ARHGAP28: variants seen among roughly 807,000 people sequenced by gnomAD.
The protein encoded by ARHGAP28 is rho GTPase-activating protein 28.
In ARHGAP28, 56 loss-of-function variants were observed where a neutral mutation model predicts 90.7. The ratio of observed to expected loss-of-function variants is 0.62; its 90% CI spans 0.50 to 0.77. The LOEUF (loss-of-function observed/expected upper bound fraction) is 0.77. Among genes scored for constraint, ARHGAP28 ranks in the 30% least tolerant of loss-of-function variants. The pLI, the probability that ARHGAP28 is intolerant of heterozygous loss-of-function variation, is 0.00. For synonymous variants in ARHGAP28, 308 were observed against 323.3 expected, an observed-to-expected ratio of 0.95 and a Z score of 0.51; for missense variants, 869 against 900.9, an observed-to-expected ratio of 0.96 and a Z score of 0.45.
intron 14 of ARHGAP28, among the ~76,000 whole-genome samples, chr18:6,891,316 A>ATTT (rs1167823570): frequency 8.5e-4 from 123 of 144,302 alleles, no homozygotes; most frequent in African/African-American, 3.0e-3. Flanking sequence ...TTGGAGCTAC[A>ATTT]TTTTTTTTTT....
At chr18:6,838,948 G>A (rs1468165671) in intron 3 of ARHGAP28, among the ~76,000 whole-genome samples, 1 of 152,138 alleles carries the variant, frequency 6.6e-6, no homozygotes, top group Non-Finnish European at 1.5e-5. Flanking sequence ...CTTTGGGCCT[G>A]ACATTTTTGT....
intron 1 of ARHGAP28, among the ~76,000 whole-genome samples, chr18:6,816,972 C>A (rs1464090484): frequency 6.6e-6 from 1 of 151,934 alleles, no homozygotes; most frequent in Admixed American, 6.6e-5. Flanking sequence ...CACCTGTAGT[C>A]CCAGCTACTT....
Position 6,890,500 on chromosome 18 carries a change from C to G in ARHGAP28, c.1805C>G (p.Pro602Arg), listed in dbSNP as rs561738285. 2 of 1,613,462 alleles carry G rather than the reference C, an allele frequency of 1.2e-6. No homozygotes were observed. Among genetic ancestry groups the G allele is most frequent in the Non-Finnish European group, 1.7e-6 (2 of 1,179,778 alleles). Residue 602 changes from proline (P) to arginine (R), a missense_variant, in exon 14 of 18, where the codon CCA becomes CGA. Physicochemically the swap from Pro to Arg is moderately radical, Grantham distance 103 (BLOSUM62 -2). Transcript: ENST00000383472. ...ACGATGCTATTGAAGAAGCAGCTCCCAAGTGTCAGGAAGCTGCTCAGGAGG... is the reference window on the plus strand; with the variant it reads ...ACGATGCTATTGAAGAAGCAGCTCCGAAGTGTCAGGAAGCTGCTCAGGAGG... Reference protein sequence around the residue: ...EATMLLKKQLPSVRKLLRRKT... With the variant: ...EATMLLKKQLRSVRKLLRRKT...
At chr18:6,748,335 C>G (rs1330769946) in intron 1 of ARHGAP28, among the ~76,000 whole-genome samples, 1 of 152,196 alleles carries the variant, frequency 6.6e-6, no homozygotes. Flanking sequence ...GGAGAGAGCT[C>G]TCACAGTATT....
intron 16 of ARHGAP28, among the ~76,000 whole-genome samples, chr18:6,907,832 C>G (rs969821719): frequency 6.6e-6 from 1 of 152,108 alleles, no homozygotes; most frequent in African/African-American, 2.4e-5. Context: ...ACAGGATGCA[C>G]CTGTATTACT....
chr18:6,768,506 A>G (rs934820592), intron 1 of ARHGAP28, among the ~76,000 whole-genome samples: 1 of 152,092 alleles, frequency 6.6e-6, no homozygotes, highest in African/African-American at 2.4e-5. Flanking sequence ...AAGACTTTCT[A>G]TTCTGATTGG....
At chr18:6,744,344 T>C (rs750902728) in intron 1 of ARHGAP28, among the ~76,000 whole-genome samples, 2 of 152,104 alleles carry the variant, frequency 1.3e-5, no homozygotes, top group Non-Finnish European at 2.9e-5. Context: ...AGTAAAATGA[T>C]TAGGGTCAGA....
intron 1 of ARHGAP28, among the ~76,000 whole-genome samples, chr18:6,782,531 C>G (rs753508787): frequency 1.4e-5 from 2 of 144,816 alleles, no homozygotes; most frequent in Middle Eastern, 3.7e-3. Context: ...GATTCTCATG[C>G]GTCAGCTTCC....
chr18:6,886,161 T>C (rs1344592654), intron 11 of ARHGAP28, among the ~76,000 whole-genome samples: 9 of 152,202 alleles, frequency 5.9e-5, no homozygotes, highest in Admixed American at 5.9e-4. Flanking sequence ...TTTCCACTGC[T>C]ATACAGCTCA....
chr18:6,747,770 C>T (rs111367771), intron 1 of ARHGAP28, among the ~76,000 whole-genome samples: 169 of 152,266 alleles, frequency 1.1e-3, no homozygotes, highest in African/African-American at 3.7e-3. Flanking sequence ...ATGCTGGAAT[C>T]ATAGTGGTTC....
At position 6,890,089 on chromosome 18, in the gene ARHGAP28, A is replaced by C; in HGVS notation, c.1734+4A>C. On this transcript the variant is annotated splice_donor_region_variant and intron_variant, in intron 13 of 17. Transcript: ENST00000383472. Reference sequence around the variant, plus strand: ...GTACCAGAAGATTTTGTGGAAGGTGAGTGACATAGTGATGACAGGTCCCCC... The same window carrying C: ...GTACCAGAAGATTTTGTGGAAGGTGCGTGACATAGTGATGACAGGTCCCCC... The C allele has an allele frequency of 6.2e-7, 1 of 1,614,108 alleles. No homozygotes were observed. Among genetic ancestry groups the C allele is most frequent in the South Asian group, 1.1e-5 (1 of 91,082 alleles).
intron 3 of ARHGAP28, among the ~76,000 whole-genome samples, chr18:6,838,749 A>G (rs955824877): frequency 2.6e-5 from 4 of 152,212 alleles, no homozygotes; most frequent in Admixed American, 2.6e-4. Flanking sequence ...ACTTATGGTA[A>G]GTGCATTTTG....
rs575655381 is a variant in ARHGAP28, at chr18:6,793,240, G to A, written c.123-31522G>A. Among the ~76,000 whole-genome samples the A allele has an allele frequency of 5.3e-5, 8 of 152,242 alleles. No individual in the cohort carries two copies. In the East Asian group the frequency reaches 1.2e-3, roughly 22 times the overall value. Reference sequence around the variant, plus strand: ...TGTAAGGTCCATCATTGCAATGGGCGGTAATTGACTACAGAAGGCCTTGGT... The same window carrying A: ...TGTAAGGTCCATCATTGCAATGGGCAGTAATTGACTACAGAAGGCCTTGGT... On this transcript the variant is annotated intron_variant, in intron 1 of 17. Coordinates refer to ENST00000383472, the MANE Select transcript of ARHGAP28 (RefSeq NM_001366230.1).
chr18:6,854,004 T>C (rs1332204045), intron 4 of ARHGAP28, among the ~76,000 whole-genome samples: 3 of 152,034 alleles, frequency 2.0e-5, no homozygotes, highest in African/African-American at 4.8e-5. Context: ...ACTTTCTAAA[T>C]TGACTGAGAC....
At position 6,729,738 on chromosome 18, in the gene ARHGAP28, G is replaced by C; in HGVS notation, c.-84G>C. 1 of 1,283,212 alleles carries C rather than the reference G, an allele frequency of 7.8e-7. No individual in the cohort carries two copies. Among genetic ancestry groups the C allele is most frequent in the Middle Eastern group, 3.0e-4 (1 of 3,338 alleles). The allele number at this position is 1,283,212 out of a possible 1,614,324, so 79.5% of individuals were successfully genotyped here. On this transcript the variant is annotated 5_prime_UTR_variant, in exon 1 of 18. Coordinates refer to ENST00000383472, the MANE Select transcript of ARHGAP28 (RefSeq NM_001366230.1). Reference sequence around the variant, plus strand: ...GTCGCACCTCGGGCCGCGCCGCCCAGCTGCTGACAGCCTCCCGGCGCGCCG... The same window carrying C: ...GTCGCACCTCGGGCCGCGCCGCCCACCTGCTGACAGCCTCCCGGCGCGCCG...
At position 6,824,922 on chromosome 18, in the gene ARHGAP28, G is replaced by A. The variant is rs1047095944; in HGVS notation, c.283G>A (p.Gly95Arg). ...AAGTATTAAAGACAGCAGCATGGGA[G>A]GGCAAGAAGAGCCACCGCCAGCTGA... ...IESIKDSSMG[G>R]QEEPPPAEVT... The change falls in exon 2 of 18, where the codon GGG becomes AGG. Residue 95 changes from glycine (G) to arginine (R), a missense_variant. Coordinates refer to ENST00000383472, the MANE Select transcript of ARHGAP28 (RefSeq NM_001366230.1). The A allele has an allele frequency of 4.6e-6, 7 of 1,535,658 alleles. No homozygotes were observed. In the African/African-American group the frequency reaches 8.2e-5, roughly 18 times the overall value.
intron 4 of ARHGAP28, among the ~76,000 whole-genome samples, chr18:6,855,961 C>G (rs2056950089): frequency 6.6e-6 from 1 of 152,242 alleles, no homozygotes; most frequent in Non-Finnish European, 1.5e-5. Flanking sequence ...TGCCACTCCG[C>G]ACCTAGCTTG....
intron 14 of ARHGAP28, among the ~76,000 whole-genome samples, chr18:6,894,204 T>G (rs1484657215): frequency 6.6e-6 from 1 of 152,112 alleles, no homozygotes. Context: ...TTGATTGGAA[T>G]AGACAGTTCA....
At chr18:6,814,684 A>G (rs2056578611) in intron 1 of ARHGAP28, among the ~76,000 whole-genome samples, 1 of 152,224 alleles carries the variant, frequency 6.6e-6, no homozygotes, top group African/African-American at 2.4e-5. Flanking sequence ...AGCCATACAT[A>G]GTAGTGCTAG....
Sources: gnomAD v4.1 joint callset for allele counts (sites outside exome capture counted in the v4.1 genomes callset) on GRCh38, gnomAD v4.1.1 for gene constraint, MANE v1.5 for transcripts, NCBI Gene and HGNC (gene_info 2026-07-23, HGNC 2026-07-21) for gene names.